Variants in EFNA5 observed in about 807,000 individuals in gnomAD.
EFNA5 encodes ephrin A5.
Under a neutral mutation model 22.9 loss-of-function variants are expected in EFNA5, and 5 were observed. That is an observed-to-expected ratio of 0.22 (90% CI 0.11 to 0.46). EFNA5 has a LOEUF of 0.46. Ranked by LOEUF, EFNA5 falls within the 20% of genes least tolerant of loss-of-function variation. The pLI is 0.99. For synonymous variants in EFNA5, 113 were observed against 112.2 expected, an observed-to-expected ratio of 1.01 and a Z score of -0.04; for missense variants, 237 against 293.3, an observed-to-expected ratio of 0.81 and a Z score of 1.40.
chr5:107,647,858 G>T (rs1177640008), intron 1 of EFNA5, among the ~76,000 whole-genome samples: 1 of 152,094 alleles, frequency 6.6e-6, no homozygotes, highest in Non-Finnish European at 1.5e-5. Flanking sequence ...AACTGATTAG[G>T]AATAATTTGA....
chr5:107,464,077 C>T (rs1174429891), intron 1 of EFNA5, among the ~76,000 whole-genome samples: 1 of 152,062 alleles, frequency 6.6e-6, no homozygotes, highest in African/African-American at 2.4e-5. Context: ...GAAGCAATGA[C>T]TACAGTGAGG....
Position 107,670,835 on chromosome 5 carries a change from C to T in EFNA5, c.-222G>A. On this transcript the variant is annotated 5_prime_UTR_variant, in exon 1 of 5. Transcript: ENST00000333274. The stretch of plus-strand genomic sequence containing the variant: ...GCGGTGGGATGGGGGGTGATAAAGA[C>T]AAACTCGCACCCCCACTGGAGGGTT... 3 of 576,450 alleles carry T rather than the reference C, an allele frequency of 5.2e-6. No homozygotes were observed. In the South Asian group the frequency reaches 6.5e-5, roughly 12 times the overall value. 35.7% of individuals were successfully genotyped at this position (576,450 alleles called of 1,614,324 possible).
At chr5:107,481,857 A>AAAC (rs1554061978) in intron 1 of EFNA5, among the ~76,000 whole-genome samples, 21 of 150,730 alleles carry the variant, frequency 1.4e-4, no homozygotes, top group African/African-American at 5.1e-4. Context: ...CTCAAAAAAA[A>AAAC]AAAAAAGAAA....
At chr5:107,654,373 T>A (rs1467444499) in intron 1 of EFNA5, among the ~76,000 whole-genome samples, 4 of 152,136 alleles carry the variant, frequency 2.6e-5, no homozygotes, top group Non-Finnish European at 5.9e-5. Context: ...TCAATTGCCA[T>A]AGAACTAACC....
At chr5:107,412,300 T>C (rs1054542509) in intron 2 of EFNA5, among the ~76,000 whole-genome samples, 3 of 152,160 alleles carry the variant, frequency 2.0e-5, no homozygotes, top group South Asian at 2.1e-4. Flanking sequence ...TACGGTAAAA[T>C]ACAGATTTCC....
intron 1 of EFNA5, among the ~76,000 whole-genome samples, chr5:107,488,168 T>C (rs936193170): frequency 6.6e-6 from 1 of 152,164 alleles, no homozygotes; most frequent in Non-Finnish European, 1.5e-5. Context: ...CAAAAGAAAA[T>C]ATACTAGAGC....
intron 1 of EFNA5, among the ~76,000 whole-genome samples, chr5:107,616,315 T>A (rs1301251058): frequency 6.6e-6 from 1 of 152,156 alleles, no homozygotes; most frequent in Non-Finnish European, 1.5e-5. Flanking sequence ...CTTTAGAATA[T>A]AATATAGAGG....
intron 1 of EFNA5, among the ~76,000 whole-genome samples, chr5:107,564,197 C>T (rs1192184926): frequency 1.3e-5 from 2 of 152,168 alleles, no homozygotes; most frequent in African/African-American, 4.8e-5. Flanking sequence ...ACCCAAGTGT[C>T]CAGCATAAAT....
rs572711164 is a variant in EFNA5, at chr5:107,442,764, C to T, written c.126-15255G>A. On this transcript the variant is annotated intron_variant, in intron 1 of 4. Transcript: ENST00000333274. ...AATAAGCAAAGAAAAAGAAGAAATGCTGATACTCAGAAGACTTTTTTTTTT... is the reference window on the plus strand; with the variant it reads ...AATAAGCAAAGAAAAAGAAGAAATGTTGATACTCAGAAGACTTTTTTTTTT... Among the ~76,000 whole-genome samples the T allele has an allele frequency of 4.6e-5, 7 of 151,920 alleles. No homozygotes were observed. The East Asian group carries it at 7.7e-4, about 17-fold the overall frequency.
intron 1 of EFNA5, among the ~76,000 whole-genome samples, chr5:107,575,140 G>A (rs1027772710): frequency 7.9e-5 from 12 of 152,062 alleles, no homozygotes. Flanking sequence ...CCTGTTCTGA[G>A]GTATAAATAT....
chr5:107,622,528 AGTACTAAAAGG>A (rs1750056626), intron 1 of EFNA5, among the ~76,000 whole-genome samples: 1 of 152,184 alleles, frequency 6.6e-6, no homozygotes, highest in Non-Finnish European at 1.5e-5. Flanking sequence ...TGGCATAACT[AGTACTAAAAGG>A]GTAATAATGG....
chr5:107,658,147 T>C (rs888294212), intron 1 of EFNA5, among the ~76,000 whole-genome samples: 4 of 152,080 alleles, frequency 2.6e-5, no homozygotes, highest in African/African-American at 4.8e-5. Context: ...AACCCAGACA[T>C]TGAAAGTAGA....
At chr5:107,465,147 C>G (rs1013612010) in intron 1 of EFNA5, among the ~76,000 whole-genome samples, 2 of 151,894 alleles carry the variant, frequency 1.3e-5, no homozygotes, top group East Asian at 1.9e-4. Flanking sequence ...CCAACAGCGA[C>G]AGCAAAGCTT....
chr5:107,466,396 C>G (rs929047540), intron 1 of EFNA5, among the ~76,000 whole-genome samples: 1 of 152,060 alleles, frequency 6.6e-6, no homozygotes, highest in Non-Finnish European at 1.5e-5. Context: ...GGCACCAGAG[C>G]GGAAATGCTG....
chr5:107,493,281 G>T (rs1225033529), intron 1 of EFNA5, among the ~76,000 whole-genome samples: 1 of 149,742 alleles, frequency 6.7e-6, no homozygotes, highest in African/African-American at 2.5e-5. Context: ...TAAAACCTTT[G>T]TTCTCTCTCC....
At chr5:107,465,063 CTTTTTTTT>C (rs11317668) in intron 1 of EFNA5, among the ~76,000 whole-genome samples, 1 of 147,420 alleles carries the variant, frequency 6.8e-6, no homozygotes, top group Non-Finnish European at 1.5e-5. Flanking sequence ...CTGTGTGAGG[CTTTTTTTT>C]TTTTTTTAAG....
rs183780546 is a variant in EFNA5, at chr5:107,513,718, C to A, written c.126-86209G>T. Among the ~76,000 whole-genome samples the A allele has an allele frequency of 6.6e-5, 10 of 152,248 alleles. No homozygotes were observed. In the East Asian group the frequency reaches 1.9e-3, roughly 29 times the overall value. On this transcript the variant is annotated intron_variant, in intron 1 of 4. Transcript: ENST00000333274. ...TAAGATGTTTCTGAACAGAAAGAGGCTGGTGGTATCCGTCCATTAAAAACA... is the reference window on the plus strand; with the variant it reads ...TAAGATGTTTCTGAACAGAAAGAGGATGGTGGTATCCGTCCATTAAAAACA...
At chr5:107,669,988 T>G (rs1330372702) in intron 1 of EFNA5, among the ~76,000 whole-genome samples, 3 of 142,782 alleles carry the variant, frequency 2.1e-5, no homozygotes, top group African/African-American at 5.3e-5. Flanking sequence ...GCCCGTGCGC[T>G]CTCTCTGCGC....
chr5:107,577,911 G>C (rs1748960396), intron 1 of EFNA5, among the ~76,000 whole-genome samples: 1 of 152,144 alleles, frequency 6.6e-6, no homozygotes, highest in Non-Finnish European at 1.5e-5. Flanking sequence ...CATTGCTGTG[G>C]AAGACTTCCT....
Sources: allele counts gnomAD v4.1 joint callset (sites outside exome capture counted in the v4.1 genomes callset), GRCh38; gene constraint gnomAD v4.1.1; transcripts MANE v1.5; gene names NCBI Gene and HGNC (gene_info 2026-07-23, HGNC 2026-07-21).